KCNS3: variants seen among roughly 807,000 people sequenced by gnomAD.
The protein encoded by KCNS3 is delayed-rectifier potassium channel regulatory subunit KCNS3.
A neutral mutation model predicts 31.0 loss-of-function variants in KCNS3; 13 were observed. The observed-to-expected ratio is 0.42, with a 90% CI of 0.27 to 0.67. The LOEUF is 0.67. KCNS3 is among the 30% of genes least tolerant of loss of function. KCNS3 has a pLI of 0.25. For synonymous variants in KCNS3, 238 were observed against 241.5 expected (o/e 0.99, Z 0.13); for missense variants, 545 against 622.4 (o/e 0.88, Z 1.32).
chr2:17,920,938 G>A (rs1358287550), intron 2 of KCNS3, among the ~76,000 whole-genome samples: 6 of 152,122 alleles, frequency 3.9e-5, no homozygotes, highest in Admixed American at 2.0e-4. Flanking sequence ...AGAGTCTGCC[G>A]CATAAAAGGT....
At chr2:17,903,634 T>C (rs978576616) in intron 1 of KCNS3, among the ~76,000 whole-genome samples, 1 of 145,098 alleles carries the variant, frequency 6.9e-6, no homozygotes, top group African/African-American at 2.6e-5. Flanking sequence ...CAGGCCCCAG[T>C]GTGTGATGTT....
At chr2:17,881,824 G>T (rs1195303444) in intron 1 of KCNS3, among the ~76,000 whole-genome samples, 1 of 152,142 alleles carries the variant, frequency 6.6e-6, no homozygotes, top group Non-Finnish European at 1.5e-5. Flanking sequence ...TGACTTTTGG[G>T]TCCCATGTCT....
chr2:17,923,280 A>G (rs1415513830), intron 2 of KCNS3, among the ~76,000 whole-genome samples: 2 of 152,190 alleles, frequency 1.3e-5, no homozygotes, highest in Admixed American at 6.5e-5. Flanking sequence ...AGAAATGTCT[A>G]TCAAAATTAT....
intron 2 of KCNS3, among the ~76,000 whole-genome samples, chr2:17,919,851 C>T (rs752245965): frequency 2.6e-5 from 4 of 152,140 alleles, no homozygotes; most frequent in East Asian, 3.9e-4. Context: ...GTAGGATCCT[C>T]GCCATGCTCA....
At position 17,884,271 on chromosome 2, in the gene KCNS3, AT is replaced by A. The variant is rs1558445174; in HGVS notation, c.-252+5466del. 7.3e-3 allele frequency among the ~76,000 whole-genome samples: 245 copies of A among 33,776 alleles called. 1 individual carries two copies. The highest frequency in any genetic ancestry group is 0.017 in the South Asian group (15 of 862). The allele number at this position is 33,776 out of a possible 152,430, so 22.2% of individuals were successfully genotyped here. On this transcript the variant is annotated intron_variant, in intron 1 of 2. Coordinates refer to ENST00000304101, the MANE Select transcript of KCNS3 (RefSeq NM_002252.5). ...AAAGTATAATTAAAAAAAAAAAAATATATATATATATATATATATATATATA... is the reference window on the plus strand; with the variant it reads ...AAAGTATAATTAAAAAAAAAAAAATAATATATATATATATATATATATATA...
At chr2:17,890,328 A>G (rs2125234735) in intron 1 of KCNS3, among the ~76,000 whole-genome samples, 1 of 151,818 alleles carries the variant, frequency 6.6e-6, no homozygotes, top group East Asian at 1.9e-4. Flanking sequence ...TTCTAGGTTA[A>G]TCTTGCTAAT....
chr2:17,925,894 T>C (rs533370209), intron 2 of KCNS3, among the ~76,000 whole-genome samples: 2 of 152,276 alleles, frequency 1.3e-5, no homozygotes, highest in South Asian at 4.1e-4. Context: ...ATTTCAACAT[T>C]AATTCAAAAG....
chr2:17,893,531 A>G (rs1445248993), intron 1 of KCNS3, among the ~76,000 whole-genome samples: 1 of 152,166 alleles, frequency 6.6e-6, no homozygotes, highest in South Asian at 2.1e-4. Flanking sequence ...GGGCACCCTC[A>G]TGATGGATCC....
At chr2:17,883,319 A>G (rs538798795) in intron 1 of KCNS3, among the ~76,000 whole-genome samples, 4 of 138,832 alleles carry the variant, frequency 2.9e-5, no homozygotes, top group South Asian at 4.9e-4. Flanking sequence ...TCATTCAACA[A>G]GTATTTGAGT....
chr2:17,888,629 G>GTATATCTATATCTATATCTATA (rs35102585), intron 1 of KCNS3, among the ~76,000 whole-genome samples: 3 of 92,370 alleles, frequency 3.2e-5, no homozygotes, highest in East Asian at 1.1e-3. Flanking sequence ...TAAAAAAAAT[G>GTATATCTATATCTATATCTATA]TATATATATA....
At chr2:17,907,269 C>A (rs529757285) in intron 1 of KCNS3, among the ~76,000 whole-genome samples, 3 of 152,196 alleles carry the variant, frequency 2.0e-5, no homozygotes, top group Non-Finnish European at 4.4e-5. Context: ...TTATCAGAGA[C>A]TAGGATTGCA....
chr2:17,904,252 G>A (rs1445077676), intron 1 of KCNS3, among the ~76,000 whole-genome samples: 1 of 152,218 alleles, frequency 6.6e-6, no homozygotes. Flanking sequence ...CTGCATAAAT[G>A]TCTTCTTTTG....
chr2:17,923,430 C>A (rs1181611718), intron 2 of KCNS3, among the ~76,000 whole-genome samples: 2 of 152,002 alleles, frequency 1.3e-5, no homozygotes, highest in Non-Finnish European at 2.9e-5. Flanking sequence ...TTTCTTGATA[C>A]TTGTCCTTTG....
rs146871717 is a variant in KCNS3, at chr2:17,881,895, A to G, written c.-252+3089A>G. Reference sequence around the variant, plus strand: ...AAATATTATTTTTGCCTTTGACAAAATGGTCTGCTTTTCGGTGAAATTCTG... The same window carrying G: ...AAATATTATTTTTGCCTTTGACAAAGTGGTCTGCTTTTCGGTGAAATTCTG... On this transcript the variant is annotated intron_variant, in intron 1 of 2. Transcript: ENST00000304101. Among the ~76,000 whole-genome samples the G allele has an allele frequency of 6.1e-4, 93 of 152,368 alleles. 1 individual carries two copies. The East Asian group carries it at 0.017, about 28-fold the overall frequency.
chr2:17,907,458 C>T (rs538675549), intron 1 of KCNS3, among the ~76,000 whole-genome samples: 24 of 152,286 alleles, frequency 1.6e-4, no homozygotes, highest in Admixed American at 9.1e-4. Context: ...AGCCCATTTA[C>T]ATTTAAGGTT....
intron 1 of KCNS3, among the ~76,000 whole-genome samples, chr2:17,904,862 G>A (rs1308474661): frequency 6.6e-6 from 1 of 152,134 alleles, no homozygotes; most frequent in Admixed American, 6.5e-5. Context: ...GGTTACTGTA[G>A]CCTTGTAGTA....
chr2:17,880,327 A>T (rs1482393747), intron 1 of KCNS3, among the ~76,000 whole-genome samples: 1 of 152,234 alleles, frequency 6.6e-6, no homozygotes, highest in Non-Finnish European at 1.5e-5. Flanking sequence ...ATTTCCAACC[A>T]GCCCGCCATG....
chr2:17,925,753 A>G (rs1237976768), intron 2 of KCNS3, among the ~76,000 whole-genome samples: 1 of 152,182 alleles, frequency 6.6e-6, no homozygotes, highest in African/African-American at 2.4e-5. Context: ...GGGGATTACA[A>G]TTCAACATGA....
At chr2:17,909,001 A>G (rs904365477) in intron 1 of KCNS3, among the ~76,000 whole-genome samples, 1 of 152,224 alleles carries the variant, frequency 6.6e-6, no homozygotes, top group African/African-American at 2.4e-5. Flanking sequence ...AGACAGGGAC[A>G]TTTAAGTCTG....
Sources: allele counts gnomAD v4.1 joint callset (sites outside exome capture counted in the v4.1 genomes callset), GRCh38; gene constraint gnomAD v4.1.1; transcripts MANE v1.5; gene names NCBI Gene and HGNC (gene_info 2026-07-23, HGNC 2026-07-21).